F8: variants seen among roughly 807,000 people sequenced by gnomAD.
F8 encodes the protein coagulation factor VIII.
F8 carries 12 observed loss-of-function variants against 140.6 expected under a neutral mutation model. That is an observed-to-expected ratio of 0.09 (90% CI 0.05 to 0.14). F8 has a LOEUF of 0.14. Ranked by LOEUF, F8 falls within the 10% of genes least tolerant of loss-of-function variation. F8 has a pLI of 1.00. For synonymous variants in F8, 585 were observed against 614.6 expected (o/e 0.95, Z 0.71); for missense variants, 1,354 against 1,720.7 (o/e 0.79, Z 3.77).
intron 24 of F8, 75 bp downstream of exon 24, chrX:154,861,641 AAC>A: frequency 8.9e-7 from 1 of 1,122,229 alleles, no homozygotes; most frequent in Non-Finnish European, 1.2e-6. Context: ...CCTCAGAAGA[AAC>A]AGTCAAGGCC....
chrX:154,867,543 C>T (rs782457218), intron 22 of F8, among the ~76,000 whole-genome samples: 35 of 108,693 alleles, frequency 3.2e-4, no homozygotes, highest in African/African-American at 1.1e-3. Context: ...CAAAAATTAG[C>T]TGGGTGTGAT....
intron 14 of F8, among the ~76,000 whole-genome samples, chrX:154,910,976 G>A (rs1165963750): frequency 1.8e-5 from 2 of 110,606 alleles, no homozygotes; most frequent in Non-Finnish European, 3.8e-5. Context: ...GTTTGTATAC[G>A]TGCACATCAG....
In F8 at chrX:154,947,910, G is replaced by A; in HGVS notation, c.1904-3C>T. The stretch of plus-strand genomic sequence containing the variant: ...ATCAAAAACATAGCCATTGATGCCT[G>A]CAAAAACAATGGGGAAAAGAGATTT... On this transcript the variant is annotated splice_region_variant and splice_polypyrimidine_tract_variant and intron_variant, in intron 12 of 25. Transcript: ENST00000360256. 1.7e-6 allele frequency: 2 copies of A among 1,196,304 alleles called. No homozygotes were observed. Among genetic ancestry groups the A allele is most frequent in the Non-Finnish European group, 2.3e-6 (2 of 881,531 alleles).
intron 25 of F8, among the ~76,000 whole-genome samples, chrX:154,856,835 G>A (rs1203910261): frequency 4.5e-5 from 5 of 111,900 alleles, no homozygotes; most frequent in East Asian, 2.8e-4. Flanking sequence ...AGGGACTACT[G>A]GACAATGGCT....
intron 14 of F8, among the ~76,000 whole-genome samples, chrX:154,921,946 C>G (rs185665230): frequency 9.0e-6 from 1 of 110,698 alleles, no homozygotes; most frequent in African/African-American, 3.3e-5. Context: ...AGTTAATGGG[C>G]GCAGCACACC....
chrX:154,981,353 A>G (rs2073519406), intron 6 of F8, among the ~76,000 whole-genome samples: 1 of 109,580 alleles, frequency 9.1e-6, no homozygotes. Flanking sequence ...ATTGCTGAAG[A>G]GTCCTATTCC....
chrX:154,935,644 C>T (rs1365498841), intron 13 of F8, among the ~76,000 whole-genome samples: 1 of 111,291 alleles, frequency 9.0e-6, no homozygotes, highest in Non-Finnish European at 1.9e-5. Flanking sequence ...CTAGATGTGA[C>T]ATCAAAAGCA....
chrX:154,867,268 A>T (rs2072738197), intron 22 of F8, among the ~76,000 whole-genome samples: 1 of 112,283 alleles, frequency 8.9e-6, no homozygotes, highest in Middle Eastern at 4.2e-3. Context: ...ACATTCAACG[A>T]AGTATTAATA....
chrX:154,941,678 C>T (rs1402290456), intron 13 of F8, among the ~76,000 whole-genome samples: 3 of 109,479 alleles, frequency 2.7e-5, no homozygotes, highest in Admixed American at 9.7e-5. Flanking sequence ...AATAGACATC[C>T]ACAGAACTCT....
At chrX:154,942,883 A>T (rs1452105369) in intron 13 of F8, among the ~76,000 whole-genome samples, 2 of 107,498 alleles carry the variant, frequency 1.9e-5, no homozygotes, top group East Asian at 2.9e-4. Context: ...CAATAAATGT[A>T]ATCCAGCATA....
intron 13 of F8, among the ~76,000 whole-genome samples, chrX:154,946,498 G>A (rs1196086724): frequency 8.9e-6 from 1 of 112,241 alleles, no homozygotes; most frequent in African/African-American, 3.2e-5. Flanking sequence ...TCAATAAATG[G>A]TGTGGGAAAA....
In F8 at chrX:154,966,563, C is replaced by A. The variant is rs782663468; in HGVS notation, c.1134G>T (p.Arg378Ser). ...DLTDSEMDVV[R>S]FDDDNSPSFI... Reference sequence around the variant, plus strand: ...AGGAAGGAGAGTTGTCATCATCAAACCTGACCACATCCATTTCAGAATCAG... The same window carrying A: ...AGGAAGGAGAGTTGTCATCATCAAAACTGACCACATCCATTTCAGAATCAG... Residue 378 changes from arginine to serine, a missense_variant, in exon 8 of 26, where the codon AGG (arginine) becomes AGT (serine). By Grantham distance (110) the Arg-to-Ser change is moderately radical (BLOSUM62 -1). Transcript: ENST00000360256. The A allele has an allele frequency of 7.4e-6, 9 of 1,211,682 alleles. No individual in the cohort carries two copies. The highest frequency in any genetic ancestry group is 1.0e-5 in the Non-Finnish European group (9 of 895,450).
At chrX:154,863,397 G>A (rs2072709218) in intron 22 of F8, among the ~76,000 whole-genome samples, 170 bp from the exon 23 acceptor site, 1 of 111,976 alleles carries the variant, frequency 8.9e-6, no homozygotes, top group South Asian at 3.7e-4. Context: ...CACAAAGGAG[G>A]AAAGCACCAA....
chrX:155,021,071 C>G (rs944478723), intron 1 of F8, among the ~76,000 whole-genome samples: 2 of 112,161 alleles, frequency 1.8e-5, no homozygotes, highest in African/African-American at 3.2e-5. Flanking sequence ...AATTGTGATA[C>G]AGCCATACCA....
At chrX:154,926,993 C>T (rs111365431) in intron 14 of F8, among the ~76,000 whole-genome samples, 88 of 111,292 alleles carry the variant, frequency 7.9e-4, no homozygotes, top group African/African-American at 2.8e-3. Flanking sequence ...GCAAAGTTGA[C>T]AAAGATTGGC....
At chrX:154,982,308 G>A (rs1303586469) in intron 6 of F8, among the ~76,000 whole-genome samples, 5 of 106,403 alleles carry the variant, frequency 4.7e-5, no homozygotes, top group South Asian at 4.2e-4. Flanking sequence ...TTAGCCAGTC[G>A]AGGTGGCGGG....
At chrX:154,917,336 G>A (rs2073103324) in intron 14 of F8, among the ~76,000 whole-genome samples, 1 of 111,199 alleles carries the variant, frequency 9.0e-6, no homozygotes, top group Non-Finnish European at 1.9e-5. Context: ...TCCTTTATAT[G>A]TTATTTGCTT....
chrX:154,998,188 C>T (rs2073627590), intron 2 of F8, among the ~76,000 whole-genome samples: 1 of 112,858 alleles, frequency 8.9e-6, no homozygotes, highest in African/African-American at 3.2e-5. Context: ...AAGTCCAGTC[C>T]AGTCTAATAC....
chrX:154,962,565 A>T (rs782812186), intron 9 of F8, among the ~76,000 whole-genome samples: 4 of 111,856 alleles, frequency 3.6e-5, no homozygotes, highest in Non-Finnish European at 7.5e-5. Flanking sequence ...GTATTGCCTG[A>T]TTGCACCAGC....
Sources: gnomAD v4.1 joint callset for allele counts (sites outside exome capture counted in the v4.1 genomes callset) on GRCh38, gnomAD v4.1.1 for gene constraint, MANE v1.5 for transcripts, NCBI Gene and HGNC (gene_info 2026-07-23, HGNC 2026-07-21) for gene names.